CD99: variants seen among roughly 807,000 people sequenced by gnomAD.
CD99 encodes CD99 molecule (Xg blood group).
In CD99, 19 loss-of-function variants were observed where a neutral mutation model predicts 28.4. The observed-to-expected ratio is 0.67, with a 90% CI of 0.47 to 0.98. CD99 has a LOEUF of 0.98. Among genes scored for constraint, CD99 ranks in the 50% least tolerant of loss-of-function variants. The probability of loss-of-function intolerance (pLI) is 0.00; values close to 1 mark genes in which losing one functional copy is unlikely to be tolerated. For synonymous variants in CD99, 103 were observed against 92.1 expected, an observed-to-expected ratio of 1.12 and a Z score of -0.67; for missense variants, 283 against 248.8, an observed-to-expected ratio of 1.14 and a Z score of -0.92.
intron 8 of CD99, among the ~76,000 whole-genome samples, chrX:2,730,676 CT>C (rs1163251485): frequency 1.3e-5 from 2 of 151,822 alleles, no homozygotes; most frequent in Non-Finnish European, 2.9e-5. Context: ...TTTTCTTGGC[CT>C]TTTGTAAATG....
chrX:2,700,409 TATCCATCC>T (rs1245159126), intron 1 of CD99, among the ~76,000 whole-genome samples: 1 of 151,432 alleles, frequency 6.6e-6, no homozygotes, highest in Non-Finnish European at 1.5e-5. Context: ...ATCCTCCTTT[TATCCATCC>T]ATCCATCAAC....
At position 2,727,159 on chromosome X, in the gene CD99, C is replaced by T; in HGVS notation, c.475+786C>T. The T allele has an allele frequency of 1.0e-5, 7 of 694,346 alleles. No individual in the cohort carries two copies. In the South Asian group the frequency reaches 1.1e-4, roughly 11 times the overall value. The allele number at this position is 694,346 out of a possible 1,614,324, so 43.0% of individuals were successfully genotyped here. ...CTCAAAAAACAAAACAAAACAAAAA[C>T]CAGCACAGCGGATTCCCTTTCTGTT... On this transcript the variant is annotated intron_variant, in intron 8 of 9. Transcript: ENST00000381192.
At chrX:2,717,144 C>T (rs1272230367) in intron 2 of CD99, among the ~76,000 whole-genome samples, 1 of 151,980 alleles carries the variant, frequency 6.6e-6, no homozygotes, top group Non-Finnish European at 1.5e-5. Flanking sequence ...GTCAGGAGTT[C>T]GAGACCAACC....
chrX:2,716,518 G>T (rs2048727767), intron 2 of CD99, among the ~76,000 whole-genome samples: 1 of 152,038 alleles, frequency 6.6e-6, no homozygotes, highest in Non-Finnish European at 1.5e-5. Flanking sequence ...GCAACACGGG[G>T]TCTCACTGTG....
intron 1 of CD99, among the ~76,000 whole-genome samples, chrX:2,710,050 G>A (rs28655227): frequency 0.025 from 3,740 of 152,302 alleles, 60 homozygotes; most frequent in South Asian, 0.042. Flanking sequence ...TGTGCCCTGC[G>A]ATTTTGCAGC....
intron 1 of CD99, among the ~76,000 whole-genome samples, chrX:2,706,126 G>A (rs916390814): frequency 1.6e-4 from 25 of 151,808 alleles, no homozygotes; most frequent in Non-Finnish European, 3.2e-4. Context: ...TTGGGAGGCC[G>A]AGGCGGGCGG....
Position 2,736,213 on chromosome X carries a change from AAAAAG to A in CD99, c.476-1977_476-1973del, listed in dbSNP as rs924655338. ...CAAGACTCTGTCTCAAAAAAAAAAA[AAAAAG>A]AAAAGAAAAAGAAAAGTTACGCTGC... On this transcript the variant is annotated intron_variant, in intron 8 of 9. Coordinates refer to ENST00000381192, the MANE Select transcript of CD99 (RefSeq NM_002414.5). Among the ~76,000 whole-genome samples the A allele has an allele frequency of 3.3e-5, 5 of 151,568 alleles. 1 individual carries two copies. The highest frequency in any genetic ancestry group is 3.9e-4 in the East Asian group (2 of 5,162).
chrX:2,707,757 C>T (rs1360608604), intron 1 of CD99, among the ~76,000 whole-genome samples: 1 of 152,188 alleles, frequency 6.6e-6, no homozygotes, highest in African/African-American at 2.4e-5. Flanking sequence ...ACACAGGCAC[C>T]TGAGTTCTCC....
intron 5 of CD99, 152 bp from the exon 6 acceptor site, chrX:2,722,475 C>G: frequency 2.8e-6 from 2 of 719,638 alleles, no homozygotes; most frequent in Non-Finnish European, 5.1e-6. Flanking sequence ...TGCCTGTCAC[C>G]ACATCCAGCT....
intron 8 of CD99, among the ~76,000 whole-genome samples, chrX:2,733,118 C>G (rs2049755522): frequency 6.6e-6 from 1 of 150,766 alleles, no homozygotes; most frequent in Non-Finnish European, 1.5e-5. Flanking sequence ...CCCTCCTGCT[C>G]TCCCTGTTCC....
At chrX:2,692,664 A>G (rs1482842431) in intron 1 of CD99, among the ~76,000 whole-genome samples, 1 of 127,770 alleles carries the variant, frequency 7.8e-6, no homozygotes, top group Non-Finnish European at 1.7e-5. Flanking sequence ...TTTTCTTCCT[A>G]AATGTCCTTC....
intron 8 of CD99, among the ~76,000 whole-genome samples, chrX:2,728,792 A>G (rs1392092686): frequency 1.3e-5 from 2 of 150,490 alleles, no homozygotes; most frequent in Admixed American, 6.6e-5. Flanking sequence ...TTGCCAGGAC[A>G]GGATGCGTAA....
At chrX:2,712,921 A>G (rs758084331) in intron 1 of CD99, among the ~76,000 whole-genome samples, 26 of 152,090 alleles carry the variant, frequency 1.7e-4, no homozygotes, top group Admixed American at 5.2e-4. Flanking sequence ...GCATACATGC[A>G]CCTATGCATA....
intron 1 of CD99, among the ~76,000 whole-genome samples, chrX:2,694,026 T>G (rs1460087758): frequency 2.0e-5 from 3 of 152,180 alleles, no homozygotes; most frequent in Non-Finnish European, 4.4e-5. Context: ...GAGGAGGGCT[T>G]GGGAGTTGCA....
intron 1 of CD99, among the ~76,000 whole-genome samples, chrX:2,709,591 C>T (rs190096829): frequency 9.2e-5 from 14 of 152,368 alleles, no homozygotes; most frequent in African/African-American, 2.4e-4. Flanking sequence ...CCCACACATA[C>T]GTGCAGGAGC....
chrX:2,715,270 G>T (rs758273983), intron 2 of CD99: 25 of 152,264 alleles, frequency 1.6e-4, no homozygotes, highest in Admixed American at 1.6e-3. Context: ...CCATAAAAAG[G>T]TGCCACCAAC....
chrX:2,696,124 TTTAGAGAATTGGCAGAGAAAGAC>T (rs2047563714), intron 1 of CD99, among the ~76,000 whole-genome samples: 2 of 152,230 alleles, frequency 1.3e-5, no homozygotes, highest in South Asian at 4.1e-4. Flanking sequence ...ACAGTCCATT[TTTAGAGAATTGGCAGAGAAAGAC>T]AAAGGACTTT....
intron 7 of CD99, among the ~76,000 whole-genome samples, chrX:2,723,846 C>T (rs753991995): frequency 1.3e-5 from 2 of 152,128 alleles, no homozygotes; most frequent in East Asian, 1.9e-4. Flanking sequence ...TTTTTCATAA[C>T]CTTTTCCCTT....
rs183629064 is a variant in CD99, at chrX:2,736,902, T to G, written c.476-1298T>G. ...AAATAAATAAATAAATAAATAAATT[T>G]GGGAATGGAAACAAGACTGGGAAAA... On this transcript the variant is annotated intron_variant, in intron 8 of 9. Transcript: ENST00000381192. 7.2e-4 allele frequency among the ~76,000 whole-genome samples: 108 copies of G among 148,988 alleles called. No individual in the cohort carries two copies. The East Asian group carries it at 0.014, about 20-fold the overall frequency.
Sources: gnomAD v4.1 joint callset for allele counts (sites outside exome capture counted in the v4.1 genomes callset) on GRCh38, gnomAD v4.1.1 for gene constraint, MANE v1.5 for transcripts, NCBI Gene and HGNC (gene_info 2026-07-23, HGNC 2026-07-21) for gene names.